The following BBS1 variants were observed in gnomAD, a reference collection of about 807,000 sequenced individuals.
The protein encoded by BBS1 is Bardet-Biedl syndrome 1.
A neutral mutation model predicts 73.9 loss-of-function variants in BBS1; 60 were observed. The observed-to-expected ratio is 0.81, with a 90% confidence interval of 0.66 to 1.01. The LOEUF (loss-of-function observed/expected upper bound fraction) is 1.01, where lower values mean the gene tolerates loss of function less well. BBS1 is among the 50% of genes least tolerant of loss of function. The probability of loss-of-function intolerance (pLI) is 0.00; values close to 1 mark genes in which losing one functional copy is unlikely to be tolerated. For missense variants in BBS1, 718 were observed against 770.3 expected (o/e 0.93, Z 0.80); for synonymous variants, 283 against 317.4 (o/e 0.89, Z 1.15).
At chr11:66,518,719 TG>T (rs1856110273) in intron 7 of BBS1, among the ~76,000 whole-genome samples, 6 of 151,642 alleles carry the variant, frequency 4.0e-5, no homozygotes, top group Admixed American at 4.0e-4. Context: ...CCCAGAGTGC[TG>T]GGCTTACAGG....
chr11:66,523,583 C>A lies in BBS1; in HGVS notation c.951+7C>A, dbSNP rs780784789. ...GCATGGCTTCACCCACAAGGTGCAG[C>A]CCCCAGCAAGCAGCAGCCCCTCCAC... is the stretch of plus-strand genomic sequence containing the variant. On this transcript the variant is annotated splice_region_variant and intron_variant, in intron 10 of 16. Transcript: ENST00000318312. 3.2e-5 allele frequency: 51 copies of A among 1,613,954 alleles called. No individual in the cohort carries two copies. Among genetic ancestry groups the A allele is most frequent in the Admixed American group, 2.7e-4 (16 of 59,996 alleles).
At chr11:66,530,091 C>A in intron 14 of BBS1, 139 bp downstream of exon 14, 1 of 1,255,840 alleles carries the variant, frequency 8.0e-7, no homozygotes, top group Non-Finnish European at 1.1e-6. Flanking sequence ...TTCCCGCAGA[C>A]CTGGGGACCG....
intron 3 of BBS1, among the ~76,000 whole-genome samples, chr11:66,512,793 G>A (rs1449441061): frequency 1.3e-5 from 2 of 152,024 alleles, no homozygotes; most frequent in Non-Finnish European, 2.9e-5. Flanking sequence ...ACAACATGGT[G>A]AAACCCTGTC....
intron 7 of BBS1, 41 bp from the exon 8 acceptor site, chr11:66,519,576 G>A: frequency 1.9e-6 from 3 of 1,612,650 alleles, no homozygotes; most frequent in African/African-American, 1.3e-5. Context: ...TGGGGGTGGT[G>A]TGTGGAGGTT....
At chr11:66,525,094 G>A (rs967539860) in intron 11 of BBS1, among the ~76,000 whole-genome samples, 29 of 152,200 alleles carry the variant, frequency 1.9e-4, no homozygotes, top group African/African-American at 5.8e-4. Flanking sequence ...CAGCTACTCA[G>A]GAGGCTGAGG....
intron 6 of BBS1, 35 bp from the exon 7 acceptor site, chr11:66,515,826 C>T (rs765393224): frequency 2.7e-5 from 44 of 1,613,868 alleles, no homozygotes; most frequent in Non-Finnish European, 3.0e-5. Flanking sequence ...GCAGCGAGGC[C>T]GGGGCCTGCA....
intron 3 of BBS1, among the ~76,000 whole-genome samples, chr11:66,513,641 T>G (rs1855992982): frequency 6.6e-6 from 1 of 152,070 alleles, no homozygotes; most frequent in South Asian, 2.1e-4. Context: ...ATCGCACCAC[T>G]GCACTCCAGC....
At chr11:66,519,533 T>G in intron 7 of BBS1, 84 bp from the exon 8 acceptor site, 1 of 1,594,086 alleles carries the variant, frequency 6.3e-7, no homozygotes, top group Non-Finnish European at 8.6e-7. Flanking sequence ...CTTTGCCCTC[T>G]TTCTTCCCTC....
chr11:66,525,524 A>G (rs1565287132), intron 11 of BBS1, among the ~76,000 whole-genome samples: 1 of 152,286 alleles, frequency 6.6e-6, no homozygotes, highest in East Asian at 1.9e-4. Flanking sequence ...AGATCACACC[A>G]CTGCACTCCA....
At chr11:66,526,969 C>T (rs765888416) in intron 13 of BBS1, 162 bp downstream of exon 13, 59 of 1,552,482 alleles carry the variant, frequency 3.8e-5, no homozygotes, top group Non-Finnish European at 4.7e-5. Context: ...AGGAGGTACA[C>T]GTTGCCTGCA....
Position 66,526,210 on chromosome 11 carries a change from T to G in BBS1, c.1180+18T>G. On this transcript the variant is annotated intron_variant, in intron 12 of 16. Coordinates refer to ENST00000318312, the MANE Select transcript of BBS1 (RefSeq NM_024649.5). ...CACTCGAGGTGAGTGGAGTCAGACC[T>G]GGCAAGGGCTTTGAAGTCGGGAGTG... is the stretch of plus-strand genomic sequence containing the variant. The G allele has an allele frequency of 6.2e-7, 1 of 1,613,038 alleles. No homozygotes were observed. Among genetic ancestry groups the G allele is most frequent in the Non-Finnish European group, 8.5e-7 (1 of 1,179,080 alleles).
At chr11:66,513,723 T>A (rs11227509) in intron 3 of BBS1, among the ~76,000 whole-genome samples, 1 of 152,146 alleles carries the variant, frequency 6.6e-6, no homozygotes, top group African/African-American at 2.4e-5. Flanking sequence ...AAACGATGCA[T>A]GCAGTTTCTG....
chr11:66,523,223 G>A (rs1463482706), intron 9 of BBS1: 2 of 653,390 alleles, frequency 3.1e-6, no homozygotes, highest in South Asian at 1.5e-5. Flanking sequence ...AGACACCATA[G>A]TGAAGGTGGG....
intron 9 of BBS1, 62 bp from the exon 10 acceptor site, chr11:66,523,392 AGG>A: frequency 3.1e-6 from 5 of 1,612,610 alleles, no homozygotes; most frequent in Non-Finnish European, 4.2e-6. Flanking sequence ...TAGACAGAGG[AGG>A]GTCAGCCATA....
Position 66,523,603 on chromosome 11 carries a change from C to G in BBS1, c.951+27C>G, listed in dbSNP as rs201437917. 4.1e-5 allele frequency: 66 copies of G among 1,613,926 alleles called. No homozygotes were observed. The East Asian group carries it at 1.2e-3, about 28-fold the overall frequency. On this transcript the variant is annotated intron_variant, in intron 10 of 16. Transcript: ENST00000318312. ...TGCAGCCCCCAGCAAGCAGCAGCCC[C>G]TCCACGCCTATGTCCCTAGCCCCCA...
chr11:66,511,401 G>T (rs1200628198), intron 3 of BBS1, among the ~76,000 whole-genome samples, 162 bp downstream of exon 3: 5 of 152,304 alleles, frequency 3.3e-5, no homozygotes, highest in African/African-American at 1.2e-4. Context: ...AAAGTGAAGA[G>T]AACTTATTGA....
At chr11:66,527,876 C>T (rs1487388571) in intron 13 of BBS1, among the ~76,000 whole-genome samples, 2 of 152,018 alleles carry the variant, frequency 1.3e-5, no homozygotes, top group African/African-American at 4.8e-5. Flanking sequence ...AGATGATAGC[C>T]AGACCCCCAG....
chr11:66,513,723 T>C (rs11227509), intron 3 of BBS1, among the ~76,000 whole-genome samples: 32,259 of 152,110 alleles, frequency 0.21, 3,865 homozygotes, highest in East Asian at 0.27. Context: ...AAACGATGCA[T>C]GCAGTTTCTG....
At chr11:66,518,642 T>G (rs928736642) in intron 7 of BBS1, among the ~76,000 whole-genome samples, 3 of 151,750 alleles carry the variant, frequency 2.0e-5, no homozygotes, top group Non-Finnish European at 2.9e-5. Flanking sequence ...ATTTTCATAT[T>G]TTTTGGTAGA....
Sources: gnomAD v4.1 joint callset for allele counts (sites outside exome capture counted in the v4.1 genomes callset) on GRCh38, gnomAD v4.1.1 for gene constraint, MANE v1.5 for transcripts, NCBI Gene and HGNC (gene_info 2026-07-23, HGNC 2026-07-21) for gene names.